DSC3: variants seen among roughly 807,000 people sequenced by gnomAD.
DSC3 encodes the protein desmocollin 3.
In DSC3, 97 loss-of-function variants were observed where a neutral mutation model predicts 89.5. The ratio of observed to expected loss-of-function variants is 1.08; its 90% CI spans 0.92 to 1.28. DSC3 has a LOEUF of 1.28. DSC3 is among the 50% of genes most tolerant of loss of function. The pLI is 0.00. For missense variants in DSC3, 1,199 were observed against 1,085.3 expected (o/e 1.10, Z -1.47); for synonymous variants, 436 against 384.1 (o/e 1.14, Z -1.58).
chr18:31,023,788 C>T (rs1985502778), intron 6 of DSC3, among the ~76,000 whole-genome samples: 1 of 152,088 alleles, frequency 6.6e-6, no homozygotes, highest in Non-Finnish European at 1.5e-5. Context: ...CTTCAGTTTT[C>T]CACATGTAAG....
intron 4 of DSC3, among the ~76,000 whole-genome samples, chr18:31,027,245 T>C (rs987653563): frequency 2.0e-5 from 3 of 152,104 alleles, no homozygotes; most frequent in African/African-American, 7.2e-5. Flanking sequence ...TTTTGCAGAA[T>C]CTCTTGAAAC....
intron 12 of DSC3, among the ~76,000 whole-genome samples, chr18:31,006,220 G>A (rs1454400490): frequency 6.6e-6 from 1 of 152,198 alleles, no homozygotes; most frequent in African/African-American, 2.4e-5. Flanking sequence ...ATACACCTGA[G>A]TTCCTCACTT....
chr18:30,994,305 T>C lies in DSC3; in HGVS notation c.2561A>G (p.Tyr854Cys), dbSNP rs1445825270. 3 of 1,614,054 alleles carry C rather than the reference T, an allele frequency of 1.9e-6. No homozygotes were observed. The highest frequency in any genetic ancestry group is 2.5e-6 in the Non-Finnish European group (3 of 1,179,936). ...PSQDYVLTYNYEGRGSPAGSV... is the reference protein window; with the variant it reads ...PSQDYVLTYNCEGRGSPAGSV... ...ACCAGCTGGAGATCCTCTTCCCTCATAGTTATAAGTGAGGACATAATCTTG... is the reference window on the plus strand; with the variant it reads ...ACCAGCTGGAGATCCTCTTCCCTCACAGTTATAAGTGAGGACATAATCTTG... Residue 854 changes from tyrosine (Y) to cysteine (C), a missense_variant, in exon 16 of 16, where the codon TAT becomes TGT. Transcript: ENST00000360428.
intron 9 of DSC3, among the ~76,000 whole-genome samples, chr18:31,011,811 G>A (rs1391072217): frequency 1.3e-5 from 2 of 151,682 alleles, no homozygotes; most frequent in Admixed American, 6.6e-5. Flanking sequence ...TGGGCAACAC[G>A]GTGAAACCCC....
At chr18:31,020,139 G>A (rs1248554996) in intron 7 of DSC3, among the ~76,000 whole-genome samples, 4 of 152,094 alleles carry the variant, frequency 2.6e-5, no homozygotes, top group Non-Finnish European at 5.9e-5. Flanking sequence ...AAAGGCACCT[G>A]GATATATGGC....
chr18:31,001,592 T>C, intron 14 of DSC3, 26 bp downstream of exon 14: 1 of 1,605,986 alleles, frequency 6.2e-7, no homozygotes, highest in Non-Finnish European at 8.5e-7. Context: ...GAGATACAAA[T>C]ACATATTTAT....
intron 3 of DSC3, among the ~76,000 whole-genome samples, chr18:31,030,080 C>T (rs1985730426): frequency 6.6e-6 from 1 of 152,134 alleles, no homozygotes; most frequent in Non-Finnish European, 1.5e-5. Context: ...TATGGTAGCC[C>T]TTGGCCACCA....
chr18:31,011,329 T>G (rs1308848621), intron 9 of DSC3, among the ~76,000 whole-genome samples: 1 of 152,222 alleles, frequency 6.6e-6, no homozygotes, highest in African/African-American at 2.4e-5. Flanking sequence ...ATGTTTTTGT[T>G]AACAGCCAAT....
At chr18:31,011,123 G>A (rs1195450640) in intron 9 of DSC3, among the ~76,000 whole-genome samples, 5 of 152,198 alleles carry the variant, frequency 3.3e-5, no homozygotes, top group Admixed American at 3.3e-4. Context: ...GAGTCAAAGA[G>A]CTAGGTTCAA....
chr18:31,015,464 T>C (rs1985204843), intron 9 of DSC3, among the ~76,000 whole-genome samples: 1 of 152,222 alleles, frequency 6.6e-6, no homozygotes, highest in African/African-American at 2.4e-5. Context: ...GTACATATAC[T>C]CATTGATTAG....
Position 31,025,804 on chromosome 18 carries a change from A to G in DSC3, c.586T>C (p.Phe196Leu). 6.2e-7 allele frequency: 1 copy of G among 1,613,356 alleles called. No homozygotes were observed. Among genetic ancestry groups the G allele is most frequent in the African/African-American group, 1.3e-5 (1 of 75,012 alleles). ...FYIERDTGNL[F>L]CTRPVDREEY... The stretch of plus-strand genomic sequence containing the variant: ...TCACGATCCACAGGCCGAGTGCAAA[A>G]TAGATTTCCAGTGTCTCTTTCTATA... The change falls in exon 5 of 16, where the codon TTT becomes CTT. Residue 196 changes from phenylalanine to leucine, a missense_variant. Transcript: ENST00000360428.
chr18:31,042,139 G>A (rs1041969526), intron 1 of DSC3, among the ~76,000 whole-genome samples: 5 of 152,098 alleles, frequency 3.3e-5, no homozygotes, highest in African/African-American at 1.2e-4. Flanking sequence ...GAACCAATCC[G>A]GGTCAACTGC....
intron 13 of DSC3, among the ~76,000 whole-genome samples, chr18:31,002,566 G>T (rs886471721): frequency 6.6e-5 from 10 of 151,976 alleles, no homozygotes; most frequent in African/African-American, 2.4e-4. Context: ...CGGGCACAGT[G>T]GCACATGCCT....
At chr18:31,037,979 T>C (rs1986025582) in intron 1 of DSC3, among the ~76,000 whole-genome samples, 1 of 152,246 alleles carries the variant, frequency 6.6e-6, no homozygotes, top group Admixed American at 6.5e-5. Flanking sequence ...GTTTCCACTT[T>C]CTTGAAATAA....
chr18:30,990,168 T>C lies in DSC3; in HGVS notation c.*4007A>G, dbSNP rs1485781949. On this transcript the variant is annotated 3_prime_UTR_variant, in exon 16 of 16. Coordinates refer to ENST00000360428, the MANE Select transcript of DSC3 (RefSeq NM_001941.5). ...TTCTATGTACTTTAGGTATAGTAAC[T>C]CATTTAATCATTCAACAACCCCATG... is the stretch of plus-strand genomic sequence containing the variant. The C allele has an allele frequency of 6.6e-6, 1 of 152,208 alleles. No homozygotes were observed. Among genetic ancestry groups the C allele is most frequent in the Non-Finnish European group, 1.5e-5 (1 of 68,026 alleles). The allele number at this position is 152,208 out of a possible 1,614,324, so 9.4% of individuals were successfully genotyped here.
chr18:31,029,238 T>C lies in DSC3; in HGVS notation c.474+271A>G, dbSNP rs276942. Among the ~76,000 whole-genome samples the C allele has an allele frequency of 0.47, 70,850 of 151,968 alleles. 17,137 individuals are homozygous for C. The highest frequency in any genetic ancestry group is 0.88 in the East Asian group (4,548 of 5,152). ...CTAAATTTACTTATATCTTTAGTACTTAGAGCAGTACCTCCCGCAGGATAT... is the reference window on the plus strand; with the variant it reads ...CTAAATTTACTTATATCTTTAGTACCTAGAGCAGTACCTCCCGCAGGATAT... On this transcript the variant is annotated intron_variant, in intron 4 of 15. Transcript: ENST00000360428.
chr18:30,991,957 A>T lies in DSC3; in HGVS notation c.*2218T>A, dbSNP rs1984262499. The T allele has an allele frequency of 1.3e-5, 2 of 152,130 alleles. No homozygotes were observed. The highest frequency in any genetic ancestry group is 2.4e-5 in the African/African-American group (1 of 41,432). 9.4% of individuals were successfully genotyped at this position (152,130 alleles called of 1,614,324 possible). ...GAGGCAGGCGGATCACGAGGTCAGG[A>T]GATCGAGACCATCCTGGCTAACACA... On this transcript the variant is annotated 3_prime_UTR_variant, in exon 16 of 16. Transcript: ENST00000360428.
At position 31,024,608 on chromosome 18, in the gene DSC3, T is replaced by G. The variant is rs1395305722; in HGVS notation, c.631-115A>C. The stretch of plus-strand genomic sequence containing the variant: ...TTTCAATAATAAACTACTTTGAAGT[T>G]TTTTTATCCACTGTGTTTTTAATTA... On this transcript the variant is annotated intron_variant, in intron 5 of 15. Coordinates refer to ENST00000360428, the MANE Select transcript of DSC3 (RefSeq NM_001941.5). 3 of 1,152,568 alleles carry G rather than the reference T, an allele frequency of 2.6e-6. No homozygotes were observed. The African/African-American group carries it at 4.7e-5, about 18-fold the overall frequency. The allele number at this position is 1,152,568 out of a possible 1,614,324, so 71.4% of individuals were successfully genotyped here.
chr18:30,996,123 A>G (rs1984457036), intron 15 of DSC3, among the ~76,000 whole-genome samples: 1 of 151,850 alleles, frequency 6.6e-6, no homozygotes, highest in African/African-American at 2.4e-5. Context: ...TTACATTCGC[A>G]TGGTGCTTTG....
Sources: allele counts gnomAD v4.1 joint callset (sites outside exome capture counted in the v4.1 genomes callset), GRCh38; gene constraint gnomAD v4.1.1; transcripts MANE v1.5; gene names NCBI Gene and HGNC (gene_info 2026-07-23, HGNC 2026-07-21).